Variants in VEPH1 observed in about 807,000 individuals in gnomAD.
The protein encoded by VEPH1 is ventricular zone-expressed PH domain-containing protein homolog 1.
In VEPH1, 80 loss-of-function variants were observed where a neutral mutation model predicts 85.2. The ratio of observed to expected loss-of-function variants is 0.94; its 90% confidence interval spans 0.78 to 1.13. The LOEUF (loss-of-function observed/expected upper bound fraction) is 1.13, where lower values mean the gene tolerates loss of function less well. VEPH1 is among the 50% of genes most tolerant of loss of function. The pLI, the probability that VEPH1 is intolerant of heterozygous loss-of-function variation, is 0.00. For synonymous variants in VEPH1, 297 were observed against 348.0 expected, an observed-to-expected ratio of 0.85 and a Z score of 1.63; for missense variants, 955 against 980.5, an observed-to-expected ratio of 0.97 and a Z score of 0.35.
At chr3:157,380,824 A>G (rs1728674427) in intron 7 of VEPH1, among the ~76,000 whole-genome samples, 1 of 152,228 alleles carries the variant, frequency 6.6e-6, no homozygotes, top group South Asian at 2.1e-4. Flanking sequence ...GCTTCCTGAT[A>G]CATAGTAAGC....
chr3:157,405,354 T>G (rs1402443172), intron 6 of VEPH1, among the ~76,000 whole-genome samples: 2 of 152,164 alleles, frequency 1.3e-5, no homozygotes, highest in Non-Finnish European at 2.9e-5. Flanking sequence ...CTGTTTGTCC[T>G]TTCGCCAGCT....
At chr3:157,491,333 G>C (rs2109721479) in intron 2 of VEPH1, among the ~76,000 whole-genome samples, 1 of 152,262 alleles carries the variant, frequency 6.6e-6, no homozygotes, top group East Asian at 1.9e-4. Flanking sequence ...GGGAGAAGTG[G>C]ATGAGTGGAT....
intron 12 of VEPH1, among the ~76,000 whole-genome samples, chr3:157,275,195 T>G (rs1408107590): frequency 6.6e-6 from 1 of 152,216 alleles, no homozygotes; most frequent in Non-Finnish European, 1.5e-5. Flanking sequence ...GTCATGAGTT[T>G]AATTTGTGAT....
At chr3:157,448,121 C>A (rs1351060752) in intron 4 of VEPH1, among the ~76,000 whole-genome samples, 2 of 151,706 alleles carry the variant, frequency 1.3e-5, no homozygotes, top group Admixed American at 1.3e-4. Flanking sequence ...GGGGGGGGGA[C>A]AATTTTCTAT....
intron 12 of VEPH1, among the ~76,000 whole-genome samples, chr3:157,280,112 C>T (rs1715908660): frequency 6.6e-6 from 1 of 150,942 alleles, no homozygotes; most frequent in Admixed American, 6.6e-5. Flanking sequence ...AGTGTACTTA[C>T]ATAGGTCAAT....
intron 12 of VEPH1, among the ~76,000 whole-genome samples, chr3:157,267,102 C>CTTTTTTTTTTTTTTTTTTTTTTTTTTT (rs10537483): frequency 1.6e-5 from 2 of 124,676 alleles, no homozygotes; most frequent in Admixed American, 8.8e-5. Flanking sequence ...TCTTTTTTTT[C>CTTTTTTTTTTTTTTTTTTTTTTTTTTT]TTTTTTTTTT....
At chr3:157,483,873 G>A (rs1738376872) in intron 2 of VEPH1, among the ~76,000 whole-genome samples, 1 of 152,134 alleles carries the variant, frequency 6.6e-6, no homozygotes, top group Non-Finnish European at 1.5e-5. Context: ...GCACAACTGA[G>A]TGAATAAATA....
Position 157,286,751 on chromosome 3 carries a change from G to A in VEPH1, c.2011-77C>T. 2.5e-6 allele frequency: 3 copies of A among 1,206,926 alleles called. No homozygotes were observed. In the Admixed American group the frequency reaches 5.1e-5, roughly 21 times the overall value. 74.8% of individuals were successfully genotyped at this position (1,206,926 alleles called of 1,614,324 possible). ...TAACATTCTGAGACTGGGAGAAGGG[G>A]ATGTGGATCAGGATGGTCAATGCTC... On this transcript the variant is annotated intron_variant, in intron 11 of 13. Coordinates refer to ENST00000362010, the MANE Select transcript of VEPH1 (RefSeq NM_001167912.2).
At chr3:157,285,610 C>T (rs932626543) in intron 12 of VEPH1, among the ~76,000 whole-genome samples, 11 of 152,182 alleles carry the variant, frequency 7.2e-5, no homozygotes, top group African/African-American at 2.7e-4. Flanking sequence ...CTCTTGTGAT[C>T]CTAAATGCAG....
At chr3:157,401,209 T>C (rs898148243) in intron 6 of VEPH1, among the ~76,000 whole-genome samples, 27 of 152,110 alleles carry the variant, frequency 1.8e-4, no homozygotes, top group African/African-American at 6.5e-4. Flanking sequence ...GAAATCATTT[T>C]GAAGAATGAT....
At chr3:157,430,433 G>C (rs1733053425) in intron 4 of VEPH1, among the ~76,000 whole-genome samples, 1 of 152,160 alleles carries the variant, frequency 6.6e-6, no homozygotes, top group African/African-American at 2.4e-5. Flanking sequence ...TGTTATTCCA[G>C]TGTATAAATA....
At chr3:157,340,243 T>A (rs1192412831) in intron 9 of VEPH1, among the ~76,000 whole-genome samples, 1 of 152,090 alleles carries the variant, frequency 6.6e-6, no homozygotes, top group Non-Finnish European at 1.5e-5. Context: ...ACCCGGGAAG[T>A]GCAAGGGGTC....
chr3:157,375,286 T>G (rs1161897476), intron 7 of VEPH1, among the ~76,000 whole-genome samples: 1 of 152,206 alleles, frequency 6.6e-6, no homozygotes, highest in Non-Finnish European at 1.5e-5. Flanking sequence ...CTCTGCAGTT[T>G]GTGTTGTGGA....
chr3:157,480,038 T>TTTTC (rs971129900), intron 2 of VEPH1, among the ~76,000 whole-genome samples: 1 of 151,054 alleles, frequency 6.6e-6, no homozygotes, highest in African/African-American at 2.4e-5. Context: ...TTCATTCTTT[T>TTTTC]TTTCTTTCTT....
In VEPH1 at chr3:157,493,095, C is replaced by A. The variant is rs946253918; in HGVS notation, c.138+2117G>T. 4.3e-5 allele frequency: 16 copies of A among 371,306 alleles called. No individual in the cohort carries two copies. The Admixed American group carries it at 4.9e-4, about 11-fold the overall frequency. The allele number at this position is 371,306 out of a possible 1,614,324, so 23.0% of individuals were successfully genotyped here. Reference sequence around the variant, plus strand: ...TAGTGGGCACTCATGAGTAGGGAACCTTGATGGAGATGCCATCAAGGTTTT... The same window carrying A: ...TAGTGGGCACTCATGAGTAGGGAACATTGATGGAGATGCCATCAAGGTTTT... On this transcript the variant is annotated intron_variant, in intron 2 of 13. Coordinates refer to ENST00000362010, the MANE Select transcript of VEPH1 (RefSeq NM_001167912.2).
intron 12 of VEPH1, among the ~76,000 whole-genome samples, chr3:157,284,520 C>T (rs950022665): frequency 6.6e-6 from 1 of 152,066 alleles, no homozygotes; most frequent in African/African-American, 2.4e-5. Flanking sequence ...AACTTGAATG[C>T]AAATACTGTC....
chr3:157,448,757 CT>C (rs1260042890), intron 4 of VEPH1, among the ~76,000 whole-genome samples: 1 of 152,168 alleles, frequency 6.6e-6, no homozygotes, highest in Non-Finnish European at 1.5e-5. Flanking sequence ...CATTTTACCC[CT>C]GATATAATTT....
chr3:157,461,098 T>A (rs567593780), intron 3 of VEPH1, among the ~76,000 whole-genome samples: 2 of 152,180 alleles, frequency 1.3e-5, no homozygotes, highest in African/African-American at 4.8e-5. Flanking sequence ...AATAAATGAA[T>A]GTAAGATTAA....
chr3:157,267,506 C>T (rs1713893557), intron 12 of VEPH1, among the ~76,000 whole-genome samples: 2 of 151,936 alleles, frequency 1.3e-5, no homozygotes, highest in African/African-American at 4.8e-5. Context: ...AAAAACTGGC[C>T]AGGCGCAGCA....
Sources: allele counts gnomAD v4.1 joint callset (sites outside exome capture counted in the v4.1 genomes callset), GRCh38; gene constraint gnomAD v4.1.1; transcripts MANE v1.5; gene names NCBI Gene and HGNC (gene_info 2026-07-23, HGNC 2026-07-21).